Variants in SNX31 observed in about 807,000 individuals in gnomAD.
The protein encoded by SNX31 is sorting nexin-31.
In SNX31, 58 loss-of-function variants were observed where a neutral mutation model predicts 65.4. The observed-to-expected ratio is 0.89, with a 90% CI of 0.72 to 1.10. SNX31 has a LOEUF of 1.10. Among genes scored for constraint, SNX31 ranks in the 50% least tolerant of loss-of-function variants. The probability of loss-of-function intolerance (pLI) is 0.00; values close to 1 mark genes in which losing one functional copy is unlikely to be tolerated. For missense variants in SNX31, 523 were observed against 529.7 expected, an observed-to-expected ratio of 0.99 and a Z score of 0.12; for synonymous variants, 181 against 190.1, an observed-to-expected ratio of 0.95 and a Z score of 0.39.
chr8:100,598,304 G>T (rs879421328), intron 9 of SNX31, among the ~76,000 whole-genome samples: 1 of 152,194 alleles, frequency 6.6e-6, no homozygotes, highest in Non-Finnish European at 1.5e-5. Flanking sequence ...TGGTACTTGC[G>T]CAGTGATTGG....
At position 100,598,488 on chromosome 8, in the gene SNX31, GTGTT is replaced by G. The variant is rs1388115349; in HGVS notation, c.775-1650_775-1647del. 4.7e-5 allele frequency among the ~76,000 whole-genome samples: 7 copies of G among 149,894 alleles called. 1 individual carries two copies. Among genetic ancestry groups the G allele is most frequent in the African/African-American group, 1.8e-4 (7 of 39,230 alleles). On this transcript the variant is annotated intron_variant, in intron 9 of 13. Transcript: ENST00000311812. ...CTGCAATGAGCTAAAAGAAAGGAAAGTGTTTGTTTAATTAAAAGTGAAGCTCTAT... is the reference window on the plus strand; with the variant it reads ...CTGCAATGAGCTAAAAGAAAGGAAAGTGTTTAATTAAAAGTGAAGCTCTAT...
At chr8:100,645,773 C>A (rs1262878329) in intron 2 of SNX31, among the ~76,000 whole-genome samples, 1 of 152,092 alleles carries the variant, frequency 6.6e-6, no homozygotes, top group Non-Finnish European at 1.5e-5. Flanking sequence ...CCATGCCTGG[C>A]TAATTTTTTG....
chr8:100,633,320 A>G (rs1383542164), intron 3 of SNX31, among the ~76,000 whole-genome samples: 4 of 152,202 alleles, frequency 2.6e-5, no homozygotes, highest in African/African-American at 7.2e-5. Context: ...TATTGTATCA[A>G]TGTTGTTTCC....
chr8:100,618,591 AC>A (rs1023754845), intron 4 of SNX31: 1 of 541,186 alleles, frequency 1.8e-6, no homozygotes, highest in African/African-American at 1.9e-5. Context: ...GGCCCAAGTT[AC>A]CCACATTTCT....
rs1051172108 is a variant in SNX31, at chr8:100,608,496, G to T, written c.679C>A (p.Gln227Lys). The change falls in exon 8 of 14, where the codon CAG (glutamine) becomes AAG (lysine). Residue 227 changes from glutamine to lysine, a missense_variant and splice_region_variant. Gln to Lys is a moderately conservative substitution (Grantham distance 53, BLOSUM62 1). Coordinates refer to ENST00000311812, the MANE Select transcript of SNX31 (RefSeq NM_152628.4). Reference protein sequence around the residue: ...CRVAVDLLYMQAIQDIEKGWA... With the variant: ...CRVAVDLLYMKAIQDIEKGWA... ...TCTGAGCTCTTGGTGACCCTCACCT[G>T]CATGTAGAGCAAATCTACCGCCACC... is the stretch of plus-strand genomic sequence containing the variant. The T allele has an allele frequency of 1.2e-6, 2 of 1,613,950 alleles. No homozygotes were observed. The highest frequency in any genetic ancestry group is 1.7e-6 in the Non-Finnish European group (2 of 1,179,902).
intron 2 of SNX31, among the ~76,000 whole-genome samples, chr8:100,642,433 G>A (rs749620067): frequency 1.3e-5 from 2 of 152,240 alleles, no homozygotes; most frequent in African/African-American, 2.4e-5. Flanking sequence ...CTGCAAGACA[G>A]TATCTTGGGG....
intron 12 of SNX31, among the ~76,000 whole-genome samples, chr8:100,583,297 G>T (rs1813724267): frequency 6.6e-6 from 1 of 151,758 alleles, no homozygotes; most frequent in Non-Finnish European, 1.5e-5. Context: ...GTGGAGATGG[G>T]GGTTCACCAT....
intron 10 of SNX31, among the ~76,000 whole-genome samples, chr8:100,595,159 C>A (rs1346505796): frequency 6.6e-6 from 1 of 152,168 alleles, no homozygotes; most frequent in Non-Finnish European, 1.5e-5. Flanking sequence ...AAACACGTTT[C>A]CATACGTTTC....
At chr8:100,650,393 C>T (rs960596246), upstream of SNX31, among the ~76,000 whole-genome samples, 1 of 152,198 alleles carries the variant, frequency 6.6e-6, no homozygotes, top group Non-Finnish European at 1.5e-5. Flanking sequence ...CAGAGGACAT[C>T]CTACCACGGA....
chr8:100,628,813 G>GGT (rs35911139), intron 4 of SNX31, among the ~76,000 whole-genome samples: 11,542 of 143,980 alleles, frequency 0.08, 503 homozygotes, highest in South Asian at 0.1. Flanking sequence ...AAATAAAATG[G>GGT]GTGTGTGTGT....
rs753403030 is a variant in SNX31 at position 100,630,484 on chromosome 8, GC to G, written c.257-94del. 1.7e-5 allele frequency: 17 copies of G among 1,018,150 alleles called. No individual in the cohort carries two copies. Among genetic ancestry groups the G allele is most frequent in the Non-Finnish European group, 2.3e-5 (16 of 690,742 alleles). 63.1% of individuals were successfully genotyped at this position (1,018,150 alleles called of 1,614,324 possible). ...TCCTCCAGAGATCCCTCCATGCCTT[GC>G]CAGTGCTCTGTCTCCTCCCTGAAGT... On this transcript the variant is annotated intron_variant, in intron 3 of 13. Transcript: ENST00000311812. This position sits in a 1 kb window ranked among gnomAD's most constrained non-coding sequence, Gnocchi z 5.3.
chr8:100,637,681 C>T (rs1818875955), intron 2 of SNX31, among the ~76,000 whole-genome samples: 3 of 152,166 alleles, frequency 2.0e-5, no homozygotes, highest in South Asian at 4.2e-4. Context: ...GCATCTAAAG[C>T]GATACTTTAT....
In SNX31 at chr8:100,588,781, G is replaced by A; in HGVS notation, c.1092+85C>T. ...CACTTTAGGGTCCTGCTCTAGTTGGGTTAGGGTCATGTGCTTCATCCACCC... is the reference window on the plus strand; with the variant it reads ...CACTTTAGGGTCCTGCTCTAGTTGGATTAGGGTCATGTGCTTCATCCACCC... On this transcript the variant is annotated intron_variant, in intron 11 of 13. Transcript: ENST00000311812. This position sits in a 1 kb window ranked among gnomAD's most constrained non-coding sequence, Gnocchi z 4.8. 1.1e-6 allele frequency: 1 copy of A among 947,874 alleles called. No individual in the cohort carries two copies. The highest frequency in any genetic ancestry group is 1.6e-5 in the African/African-American group (1 of 61,908). 58.7% of individuals were successfully genotyped at this position (947,874 alleles called of 1,614,324 possible). A position where few individuals can be genotyped will look rare whatever the true frequency, so the allele number is the denominator to read the frequency against.
intron 11 of SNX31, among the ~76,000 whole-genome samples, chr8:100,586,500 C>A (rs1814063414): frequency 6.6e-6 from 1 of 152,150 alleles, no homozygotes; most frequent in South Asian, 2.1e-4. Context: ...TTTGCTACTG[C>A]CTAGATTGAA....
At position 100,649,624 on chromosome 8, in the gene SNX31, A is replaced by T; in HGVS notation, c.-110T>A. ...CGCAGCGCGGCCTGCCACGCGACTC[A>T]GAGCGAACCCCGGCGCCCGCTCTCG... On this transcript the variant is annotated 5_prime_UTR_variant, in exon 1 of 14. It removes the in-frame stop codon of an upstream open reading frame in the 5' UTR. Coordinates refer to ENST00000311812, the MANE Select transcript of SNX31 (RefSeq NM_152628.4). 9.1e-7 allele frequency: 1 copy of T among 1,095,318 alleles called. No individual in the cohort carries two copies. Among genetic ancestry groups the T allele is most frequent in the African/African-American group, 1.6e-5 (1 of 61,738 alleles). The allele number at this position is 1,095,318 out of a possible 1,614,324, so 67.8% of individuals were successfully genotyped here.
intron 11 of SNX31, among the ~76,000 whole-genome samples, chr8:100,587,280 A>G (rs1814131013): frequency 6.6e-6 from 1 of 152,238 alleles, no homozygotes; most frequent in East Asian, 1.9e-4. Flanking sequence ...CAGATAAGAG[A>G]GATATGGGTT....
upstream of SNX31, among the ~76,000 whole-genome samples, chr8:100,651,146 C>T (rs749269174): frequency 3.3e-5 from 5 of 152,222 alleles, no homozygotes; most frequent in Admixed American, 6.5e-5. Flanking sequence ...AATTAGTGCA[C>T]TCTTTAAGCT....
chr8:100,604,768 A>C lies in SNX31; in HGVS notation c.681+3726T>G, dbSNP rs1815983610. Among the ~76,000 whole-genome samples, 2 of 152,234 alleles carry C rather than the reference A, an allele frequency of 1.3e-5. No individual in the cohort carries two copies. Among genetic ancestry groups the C allele is most frequent in the African/African-American group, 4.8e-5 (2 of 41,476 alleles). On this transcript the variant is annotated intron_variant, in intron 8 of 13. Coordinates refer to ENST00000311812, the MANE Select transcript of SNX31 (RefSeq NM_152628.4). This position sits in a 1 kb window ranked among gnomAD's most constrained non-coding sequence, Gnocchi z 4.3. The stretch of plus-strand genomic sequence containing the variant: ...TGTGGGAATTCAGTTGACTCATTGG[A>C]TATCACTGGGCACATCTGCTTTAGA...
intron 1 of SNX31, among the ~76,000 whole-genome samples, chr8:100,655,277 G>A (rs1195843999): frequency 2.0e-5 from 3 of 152,144 alleles, no homozygotes; most frequent in Non-Finnish European, 4.4e-5. Context: ...ACTGGTAAGA[G>A]CATTTTAGGA....
Sources: allele counts gnomAD v4.1 joint callset (sites outside exome capture counted in the v4.1 genomes callset), GRCh38; gene constraint gnomAD v4.1.1; non-coding constraint Gnocchi (gnomAD v3.1); transcripts MANE v1.5; gene names NCBI Gene and HGNC (gene_info 2026-07-23, HGNC 2026-07-21).